HCRTR2: variants seen among roughly 807,000 people sequenced by gnomAD.
The protein encoded by HCRTR2 is orexin receptor type 2.
Under a neutral mutation model 49.0 loss-of-function variants are expected in HCRTR2, and 22 were observed. That is an observed-to-expected ratio of 0.45 (90% CI 0.32 to 0.64). HCRTR2 has a LOEUF of 0.64. HCRTR2 is among the 30% of genes least tolerant of loss of function. The pLI is 0.04. For synonymous variants in HCRTR2, 236 were observed against 205.3 expected, an observed-to-expected ratio of 1.15 and a Z score of -1.28; for missense variants, 491 against 559.4, an observed-to-expected ratio of 0.88 and a Z score of 1.23.
intron 1 of HCRTR2, among the ~76,000 whole-genome samples, chr6:55,113,788 C>T (rs993353079): frequency 9.9e-5 from 15 of 151,864 alleles, no homozygotes; most frequent in Admixed American, 3.3e-4. Flanking sequence ...AGCAATCTGA[C>T]TGCTGAGTAT....
intron 1 of HCRTR2, among the ~76,000 whole-genome samples, chr6:55,192,808 T>G (rs1312790145): frequency 1.3e-5 from 2 of 152,228 alleles, no homozygotes. Context: ...CTGTAGTTGT[T>G]GCCCATTTTT....
intron 1 of HCRTR2, among the ~76,000 whole-genome samples, chr6:55,197,354 A>G (rs981772857): frequency 2.6e-5 from 4 of 152,066 alleles, no homozygotes; most frequent in African/African-American, 9.7e-5. Context: ...CACAAATTCC[A>G]ATTCTACTTC....
chr6:55,125,746 A>T (rs1275518697), intron 1 of HCRTR2, among the ~76,000 whole-genome samples: 1 of 152,090 alleles, frequency 6.6e-6, no homozygotes, highest in African/African-American at 2.4e-5. Flanking sequence ...ATTTTCATGT[A>T]CACCAATAGA....
intron 1 of HCRTR2, among the ~76,000 whole-genome samples, chr6:55,125,383 G>T (rs1764258868): frequency 6.6e-6 from 1 of 152,108 alleles, no homozygotes. Flanking sequence ...GCTTAGTTTG[G>T]CTGGATATAA....
intron 1 of HCRTR2, among the ~76,000 whole-genome samples, chr6:55,132,240 G>A (rs914681840): frequency 6.6e-6 from 1 of 151,884 alleles, no homozygotes; most frequent in Non-Finnish European, 1.5e-5. Context: ...AAGTAAATTT[G>A]AGGGCAATCA....
intron 1 of HCRTR2, among the ~76,000 whole-genome samples, chr6:55,164,016 CA>C (rs1238994785): frequency 1.1e-4 from 17 of 151,396 alleles, no homozygotes; most frequent in African/African-American, 7.3e-5. Flanking sequence ...AAGAAACATA[CA>C]AAAAAAAGCT....
intron 1 of HCRTR2, among the ~76,000 whole-genome samples, chr6:55,131,556 C>T (rs1472815220): frequency 6.6e-6 from 1 of 151,554 alleles, no homozygotes; most frequent in Non-Finnish European, 1.5e-5. Context: ...GTCATTAATA[C>T]CATCAAGTTT....
intron 1 of HCRTR2, among the ~76,000 whole-genome samples, chr6:55,228,330 G>GA (rs989937477): frequency 3.8e-5 from 5 of 132,642 alleles, no homozygotes; most frequent in Admixed American, 7.1e-5. Flanking sequence ...TAGAGTTTAG[G>GA]AAAAAAAATT....
At chr6:55,249,055 G>T (rs985767722) in intron 2 of HCRTR2, among the ~76,000 whole-genome samples, 1 of 151,976 alleles carries the variant, frequency 6.6e-6, no homozygotes, top group Non-Finnish European at 1.5e-5. Flanking sequence ...CAACTTTTTT[G>T]ATTACTAATT....
chr6:55,200,305 C>T (rs1765491304), intron 1 of HCRTR2, among the ~76,000 whole-genome samples: 1 of 146,684 alleles, frequency 6.8e-6, no homozygotes, highest in Non-Finnish European at 1.5e-5. Flanking sequence ...TGCTCTGTCG[C>T]CTAGGCTGGA....
intron 1 of HCRTR2, among the ~76,000 whole-genome samples, chr6:55,190,393 C>T (rs928351156): frequency 1.3e-5 from 2 of 152,026 alleles, no homozygotes; most frequent in Middle Eastern, 3.4e-3. Context: ...AGATACAGGG[C>T]CGTAGAGGAG....
At chr6:55,193,047 T>G (rs1765348028) in intron 1 of HCRTR2, among the ~76,000 whole-genome samples, 2 of 152,206 alleles carry the variant, frequency 1.3e-5, no homozygotes, top group African/African-American at 4.8e-5. Context: ...GGTGTCCTAC[T>G]ATTGAATAGG....
chr6:55,193,492 C>T (rs1439711085), intron 1 of HCRTR2, among the ~76,000 whole-genome samples: 3 of 150,954 alleles, frequency 2.0e-5, no homozygotes, highest in Non-Finnish European at 4.4e-5. Context: ...GACAAAGAAA[C>T]AACAACAACA....
At chr6:55,250,522 T>A (rs1289420552) in intron 2 of HCRTR2, among the ~76,000 whole-genome samples, 2 of 152,154 alleles carry the variant, frequency 1.3e-5, no homozygotes, top group Non-Finnish European at 2.9e-5. Context: ...ACATTTCATG[T>A]TCTCTCTGTG....
chr6:55,153,916 T>C (rs1363042494), intron 1 of HCRTR2, among the ~76,000 whole-genome samples: 2 of 151,588 alleles, frequency 1.3e-5, no homozygotes, highest in African/African-American at 4.8e-5. Flanking sequence ...AAAAAGAGAC[T>C]CAAATAAATA....
chr6:55,260,115 C>T (rs1766726654), intron 3 of HCRTR2, among the ~76,000 whole-genome samples: 1 of 152,148 alleles, frequency 6.6e-6, no homozygotes, highest in Admixed American at 6.5e-5. Context: ...GCTTTTGCTA[C>T]CATCTATTCA....
chr6:55,194,559 T>A (rs1765377438), intron 1 of HCRTR2, among the ~76,000 whole-genome samples: 1 of 152,128 alleles, frequency 6.6e-6, no homozygotes. Context: ...TGACTAATCC[T>A]TAATTATAGG....
At chr6:55,113,415 A>G (rs1166545987) in intron 1 of HCRTR2, among the ~76,000 whole-genome samples, 1 of 152,078 alleles carries the variant, frequency 6.6e-6, no homozygotes, top group East Asian at 1.9e-4. Context: ...TCTACAAGGA[A>G]CTCAAACAAA....
chr6:55,236,215 TA>T (rs1465655589), intron 1 of HCRTR2, among the ~76,000 whole-genome samples: 1 of 152,012 alleles, frequency 6.6e-6, no homozygotes, highest in African/African-American at 2.4e-5. Flanking sequence ...TGTTTCTCAT[TA>T]TTTTTTTCCT....
Sources: gnomAD v4.1 joint callset for allele counts (sites outside exome capture counted in the v4.1 genomes callset) on GRCh38, gnomAD v4.1.1 for gene constraint, MANE v1.5 for transcripts, NCBI Gene and HGNC (gene_info 2026-07-23, HGNC 2026-07-21) for gene names.